PHLDB2: variants seen among roughly 807,000 people sequenced by gnomAD.
PHLDB2 encodes pleckstrin homology-like domain family B member 2.
In PHLDB2, 71 loss-of-function variants were observed where a neutral mutation model predicts 123.6. The ratio of observed to expected loss-of-function variants is 0.57; its 90% CI spans 0.47 to 0.70. PHLDB2 has a LOEUF of 0.70. Ranked by LOEUF, PHLDB2 falls within the 30% of genes least tolerant of loss-of-function variation. The pLI is 0.00. For synonymous variants in PHLDB2, 547 were observed against 541.6 expected (o/e 1.01, Z -0.14); for missense variants, 1,446 against 1,519.5 (o/e 0.95, Z 0.80).
intron 1 of PHLDB2, among the ~76,000 whole-genome samples, chr3:111,843,776 C>A (rs998049059): frequency 2.6e-5 from 4 of 152,204 alleles, no homozygotes; most frequent in Non-Finnish European, 5.9e-5. Flanking sequence ...TTTTCTCCTG[C>A]TCTGTGGGCT....
At chr3:111,821,007 A>G (rs150586024) in intron 1 of PHLDB2, among the ~76,000 whole-genome samples, 1 of 152,108 alleles carries the variant, frequency 6.6e-6, no homozygotes, top group Admixed American at 6.5e-5. Context: ...TCCAGAACCG[A>G]GGTTTAGTTC....
intron 13 of PHLDB2, among the ~76,000 whole-genome samples, chr3:111,965,400 G>A (rs925488312): frequency 3.9e-5 from 6 of 152,166 alleles, no homozygotes; most frequent in Admixed American, 6.5e-5. Flanking sequence ...TAAACTGTAT[G>A]CCCTGTGTTC....
intron 9 of PHLDB2, 198 bp downstream of exon 9, chr3:111,945,555 C>A: frequency 1.7e-6 from 1 of 590,752 alleles, no homozygotes; most frequent in South Asian, 2.0e-5. Flanking sequence ...AATGCAGATG[C>A]ACATTGTGTG....
intron 2 of PHLDB2, among the ~76,000 whole-genome samples, chr3:111,891,306 C>T (rs1168289489): frequency 6.6e-6 from 1 of 152,130 alleles, no homozygotes; most frequent in African/African-American, 2.4e-5. Flanking sequence ...TTTGTATTTC[C>T]AGCCACTCCC....
At chr3:111,836,897 GA>G (rs1333319093) in intron 1 of PHLDB2, among the ~76,000 whole-genome samples, 1 of 152,106 alleles carries the variant, frequency 6.6e-6, no homozygotes, top group Non-Finnish European at 1.5e-5. Context: ...ATGACAATTC[GA>G]GATGAGATTT....
At chr3:111,943,033 A>C (rs935356623) in intron 8 of PHLDB2, among the ~76,000 whole-genome samples, 6 of 152,106 alleles carry the variant, frequency 3.9e-5, no homozygotes, top group Admixed American at 3.9e-4. Flanking sequence ...ATTATATAAC[A>C]TAGTTACCAC....
chr3:111,825,431 T>C (rs929544931), intron 1 of PHLDB2, among the ~76,000 whole-genome samples: 13 of 152,214 alleles, frequency 8.5e-5, no homozygotes, highest in African/African-American at 3.1e-4. Flanking sequence ...CCATTCTACA[T>C]TGAAGGAACA....
At chr3:111,933,831 TAC>T (rs1478800763) in intron 6 of PHLDB2, among the ~76,000 whole-genome samples, 3 of 152,354 alleles carry the variant, frequency 2.0e-5, no homozygotes, top group African/African-American at 4.8e-5. Context: ...CTAAAGATTT[TAC>T]ACAGTCATTG....
chr3:111,829,620 C>T (rs961537154), intron 1 of PHLDB2, among the ~76,000 whole-genome samples: 3 of 151,730 alleles, frequency 2.0e-5, no homozygotes, highest in African/African-American at 7.3e-5. Flanking sequence ...CATGCCACCA[C>T]GCCCAGCTAA....
chr3:111,845,866 C>T, exon 2 of PHLDB2: 5 of 1,614,096 alleles, frequency 3.1e-6, no homozygotes, highest in Non-Finnish European at 4.2e-6. Context: ...GCAGAAGATC[C>T]TGATGGAGGA....
chr3:111,875,905 GT>G (rs1326345168), intron 1 of PHLDB2, among the ~76,000 whole-genome samples: 7 of 150,866 alleles, frequency 4.6e-5, no homozygotes, highest in Admixed American at 6.6e-5. Flanking sequence ...TGGTAAGTGA[GT>G]TTTTTTTTCC....
chr3:111,781,515 T>A (rs1316312396), intron 1 of PHLDB2, among the ~76,000 whole-genome samples: 5 of 152,122 alleles, frequency 3.3e-5, no homozygotes, highest in Non-Finnish European at 7.4e-5. Context: ...TTTATCAGCA[T>A]CTCCCCAATA....
chr3:111,962,744 A>G (rs1435239104), intron 13 of PHLDB2, among the ~76,000 whole-genome samples: 1 of 152,116 alleles, frequency 6.6e-6, no homozygotes, highest in African/African-American at 2.4e-5. Flanking sequence ...AGCCAGACCA[A>G]CATGGTGAAA....
At chr3:111,868,863 A>G (rs1397973531) in intron 1 of PHLDB2, among the ~76,000 whole-genome samples, 10 of 152,226 alleles carry the variant, frequency 6.6e-5, no homozygotes, top group Non-Finnish European at 1.5e-5. Flanking sequence ...GAAGAGAGTT[A>G]TCACAGGGAA....
chr3:111,884,300 T>A lies in PHLDB2; in HGVS notation c.223T>A (p.Leu75Met). The A allele has an allele frequency of 6.2e-7, 1 of 1,614,206 alleles. No homozygotes were observed. The highest frequency in any genetic ancestry group is 8.5e-7 in the Non-Finnish European group (1 of 1,180,034). Residue 75 changes from leucine to methionine, a missense_variant, in exon 2 of 18, where the codon TTG (leucine) becomes ATG (methionine). By Grantham distance (15) the Leu-to-Met change is conservative (BLOSUM62 2). Around this residue, in one of 3 missense-constraint regions of PHLDB2, gnomAD observed 832 missense variants for 831.9 expected, o/e 1.00. Coordinates refer to ENST00000431670, the MANE Select transcript of PHLDB2 (RefSeq NM_001134438.2). ...PVPAKRSPSP[L>M]GTSVRSSPSL... The stretch of plus-strand genomic sequence containing the variant: ...GCCTGCAAAGAGAAGCCCTTCTCCT[T>A]TGGGAACCAGTGTCAGAAGCAGCCC...
chr3:111,895,846 C>T (rs1161979023), intron 2 of PHLDB2, among the ~76,000 whole-genome samples: 1 of 131,540 alleles, frequency 7.6e-6, no homozygotes, highest in East Asian at 2.3e-4. Flanking sequence ...GAAACTCAGT[C>T]AAAAAAAAAA....
intron 2 of PHLDB2, chr3:111,885,884 T>C (rs1456692760): frequency 8.9e-6 from 4 of 450,908 alleles, no homozygotes; most frequent in Non-Finnish European, 1.6e-5. Flanking sequence ...TGGAGTTGCC[T>C]CAGTGGTGCT....
intron 1 of PHLDB2, among the ~76,000 whole-genome samples, chr3:111,864,898 C>G (rs1442041157): frequency 5.9e-5 from 9 of 152,188 alleles, no homozygotes; most frequent in Non-Finnish European, 1.3e-4. Flanking sequence ...TGGTGTTGAT[C>G]ATCTTAGAAT....
At chr3:111,856,336 T>C (rs2064506175), upstream of PHLDB2, among the ~76,000 whole-genome samples, 1 of 152,172 alleles carries the variant, frequency 6.6e-6, no homozygotes, top group African/African-American at 2.4e-5. Flanking sequence ...TTAAAGACAA[T>C]GAACTCAAGA....
Sources: gnomAD v4.1 joint callset for allele counts (sites outside exome capture counted in the v4.1 genomes callset) on GRCh38, gnomAD v4.1.1 for gene constraint, gnomAD v4.1.1 regional missense constraint, MANE v1.5 for transcripts, NCBI Gene and HGNC (gene_info 2026-07-23, HGNC 2026-07-21) for gene names.